HIRA: variants seen among roughly 807,000 people sequenced by gnomAD.
The protein encoded by HIRA is protein HIRA.
Under a neutral mutation model 126.6 loss-of-function variants are expected in HIRA, and 13 were observed. That is an observed-to-expected ratio of 0.10 (90% CI 0.07 to 0.16). The LOEUF (loss-of-function observed/expected upper bound fraction) is 0.16. Ranked by LOEUF, HIRA falls within the 10% of genes least tolerant of loss-of-function variation. HIRA has a pLI of 1.00. For missense variants in HIRA, 834 were observed against 1,314.4 expected (o/e 0.63, Z 5.65); for synonymous variants, 511 against 520.0 (o/e 0.98, Z 0.24).
Position 19,354,006 on chromosome 22 carries a change from G to A in HIRA, c.2674C>T (p.Arg892Cys), listed in dbSNP as rs776189585. Reference protein sequence around the residue: ...CSGPLAIIQGRTSNSGRQAAR... With the variant: ...CSGPLAIIQGCTSNSGRQAAR... ...ATTCAGGTCACGTACTTGGAGGTGCGGCCCTGGATTATGGCTAACGGTCCT... is the reference window on the plus strand; with the variant it reads ...ATTCAGGTCACGTACTTGGAGGTGCAGCCCTGGATTATGGCTAACGGTCCT... Residue 892 changes from arginine (R) to cysteine (C), a missense_variant, in exon 22 of 25, where the codon CGC (arginine) becomes TGC (cysteine). This residue lies in a region of HIRA where 468 missense variants were observed against 574.2 expected (regional missense o/e 0.82). Coordinates refer to ENST00000263208, the MANE Select transcript of HIRA (RefSeq NM_003325.4). 86 of 1,613,126 alleles carry A rather than the reference G, an allele frequency of 5.3e-5. No individual in the cohort carries two copies. The highest frequency in any genetic ancestry group is 6.2e-5 in the Non-Finnish European group (73 of 1,179,706).
intron 24 of HIRA, among the ~76,000 whole-genome samples, chr22:19,340,770 C>CAAATA (rs1265994214): frequency 5.3e-5 from 8 of 152,014 alleles, no homozygotes; most frequent in Non-Finnish European, 1.0e-4. Flanking sequence ...ACAATAGCTG[C>CAAATA]AAATAAAATA....
At chr22:19,428,710 G>A (rs5748204) in intron 1 of HIRA, among the ~76,000 whole-genome samples, 6,064 of 152,216 alleles carry the variant, frequency 0.04, 267 homozygotes, top group East Asian at 0.13. Flanking sequence ...TACTCAGGAT[G>A]CTGAGGCAGG....
At chr22:19,426,303 G>A (rs2089487950) in intron 1 of HIRA, among the ~76,000 whole-genome samples, 1 of 152,178 alleles carries the variant, frequency 6.6e-6, no homozygotes, top group African/African-American at 2.4e-5. Context: ...CAAGAAGGAA[G>A]TTCAAGCTGC....
In HIRA at chr22:19,331,095, A is replaced by AT. The variant is rs2088479359; in HGVS notation, c.*344dup. 8.3e-7 allele frequency: 1 copy of AT among 1,205,226 alleles called. No homozygotes were observed. Among genetic ancestry groups the AT allele is most frequent in the African/African-American group, 1.6e-5 (1 of 64,146 alleles). The allele number at this position is 1,205,226 out of a possible 1,614,324, so 74.7% of individuals were successfully genotyped here. On this transcript the variant is annotated 3_prime_UTR_variant, in exon 25 of 25. Coordinates refer to ENST00000263208, the MANE Select transcript of HIRA (RefSeq NM_003325.4). ...GCTCAATCGTCACTGCTGAAGCAGC[A>AT]TGGTGCCTGCAGCAGCAGGGGCTAG... is the stretch of plus-strand genomic sequence containing the variant.
At chr22:19,395,830 C>CCAGTTATTGCCTTCTATA (rs2146229588) in intron 7 of HIRA, among the ~76,000 whole-genome samples, 1 of 152,234 alleles carries the variant, frequency 6.6e-6, no homozygotes, top group East Asian at 1.9e-4. Context: ...TTCCCTGTGC[C>CCAGTTATTGCCTTCTATA]CAGTTATTGC....
chr22:19,332,660 G>T (rs1242849996), intron 24 of HIRA, among the ~76,000 whole-genome samples: 1 of 150,984 alleles, frequency 6.6e-6, no homozygotes, highest in Non-Finnish European at 1.5e-5. Flanking sequence ...TCCAAAAGTG[G>T]TAAGATTCAG....
intron 9 of HIRA, among the ~76,000 whole-genome samples, chr22:19,391,112 TG>T (rs1200032040): frequency 3.3e-5 from 5 of 152,216 alleles, no homozygotes; most frequent in Admixed American, 2.6e-4. Flanking sequence ...AACAGGAGAC[TG>T]TATAAACAAA....
intron 21 of HIRA, among the ~76,000 whole-genome samples, chr22:19,354,959 G>A (rs1397398536): frequency 6.6e-6 from 1 of 151,802 alleles, no homozygotes; most frequent in Non-Finnish European, 1.5e-5. Flanking sequence ...TTTTGGTAGA[G>A]ACAGGGTCTC....
At chr22:19,361,200 G>A (rs1257684826) in intron 17 of HIRA, 37 bp downstream of exon 17, 2 of 1,450,846 alleles carry the variant, frequency 1.4e-6, no homozygotes, top group African/African-American at 2.8e-5. Context: ...ATGTCTGGGT[G>A]TGCCTGAGGG....
intron 24 of HIRA, among the ~76,000 whole-genome samples, chr22:19,337,674 T>G (rs1239149580): frequency 2.0e-5 from 3 of 152,106 alleles, no homozygotes; most frequent in African/African-American, 7.2e-5. Context: ...CCTGGGAAAT[T>G]TATCACAAAA....
At chr22:19,349,600 T>A (rs1244206049) in intron 24 of HIRA, among the ~76,000 whole-genome samples, 1 of 152,082 alleles carries the variant, frequency 6.6e-6, no homozygotes, top group Non-Finnish European at 1.5e-5. Flanking sequence ...GAAATTAGAT[T>A]TACAATAGAT....
At chr22:19,374,967 A>G (rs2089004090) in intron 15 of HIRA, among the ~76,000 whole-genome samples, 1 of 152,188 alleles carries the variant, frequency 6.6e-6, no homozygotes, top group South Asian at 2.1e-4. Flanking sequence ...CTAGGCTTGG[A>G]GGGAGGGGCC....
At chr22:19,386,481 A>G (rs1435311790) in intron 11 of HIRA, among the ~76,000 whole-genome samples, 2 of 152,264 alleles carry the variant, frequency 1.3e-5, no homozygotes, top group Non-Finnish European at 2.9e-5. Flanking sequence ...TTAACAGGAC[A>G]TCTGCTTTAC....
At chr22:19,366,442 A>C (rs1218166134) in intron 15 of HIRA, among the ~76,000 whole-genome samples, 1 of 152,258 alleles carries the variant, frequency 6.6e-6, no homozygotes, top group Non-Finnish European at 1.5e-5. Context: ...AGTATTCACC[A>C]TTCTAGATGT....
At chr22:19,405,715 G>T in intron 5 of HIRA, 71 bp downstream of exon 5, 1 of 1,134,522 alleles carries the variant, frequency 8.8e-7, no homozygotes, top group Non-Finnish European at 1.2e-6. Context: ...GTCCCACAGG[G>T]GACGTGGCGG....
chr22:19,400,345 T>G (rs529458255), intron 5 of HIRA, among the ~76,000 whole-genome samples: 25 of 152,324 alleles, frequency 1.6e-4, no homozygotes, highest in African/African-American at 6.0e-4. Flanking sequence ...TAATTTCTCC[T>G]CACTAACTGC....
intron 24 of HIRA, among the ~76,000 whole-genome samples, chr22:19,347,289 A>C (rs2088697712): frequency 6.6e-6 from 1 of 152,220 alleles, no homozygotes; most frequent in African/African-American, 2.4e-5. Flanking sequence ...AAGGATTTCC[A>C]CATAGGGTAA....
chr22:19,369,735 C>A (rs1447639265), intron 15 of HIRA, among the ~76,000 whole-genome samples: 1 of 152,090 alleles, frequency 6.6e-6, no homozygotes, highest in Non-Finnish European at 1.5e-5. Flanking sequence ...AGTTCAAGAC[C>A]AGCCTGGCCA....
intron 15 of HIRA, among the ~76,000 whole-genome samples, chr22:19,363,906 A>G (rs1240206623): frequency 1.3e-5 from 2 of 152,226 alleles, no homozygotes; most frequent in Non-Finnish European, 2.9e-5. Context: ...CTGTCTCGAA[A>G]AAACCCAAAA....
Sources: allele counts gnomAD v4.1 joint callset (sites outside exome capture counted in the v4.1 genomes callset), GRCh38; gene constraint gnomAD v4.1.1; regional missense constraint gnomAD v4.1.1; transcripts MANE v1.5; gene names NCBI Gene and HGNC (gene_info 2026-07-23, HGNC 2026-07-21).